The following GRIK4 variants were observed in gnomAD, a reference collection of about 807,000 sequenced individuals.
GRIK4 encodes the protein glutamate ionotropic receptor kainate type subunit 4, also known as glutamate receptor ionotropic, kainate 4.
In GRIK4, 40 loss-of-function variants were observed where a neutral mutation model predicts 104.9. The ratio of observed to expected loss-of-function variants is 0.38; its 90% confidence interval spans 0.30 to 0.50. GRIK4 has a LOEUF of 0.50. GRIK4 is among the 20% of genes least tolerant of loss of function. GRIK4 has a pLI of 0.93. For missense variants in GRIK4, 1,047 were observed against 1,308.1 expected (o/e 0.80, Z 3.08); for synonymous variants, 485 against 524.9 (o/e 0.92, Z 1.04).
chr11:120,737,489 A>G (rs937269708), intron 3 of GRIK4, among the ~76,000 whole-genome samples: 1 of 152,228 alleles, frequency 6.6e-6, no homozygotes, highest in African/African-American at 2.4e-5. Flanking sequence ...GAATACAGAG[A>G]CAGTTCAACG....
chr11:120,937,045 GT>G (rs1024098525), intron 13 of GRIK4, among the ~76,000 whole-genome samples: 22 of 151,756 alleles, frequency 1.4e-4, no homozygotes, highest in African/African-American at 4.1e-4. Context: ...TCTTTTTTTT[GT>G]TTTGTTTTTA....
At chr11:120,696,895 T>C (rs192711378) in intron 3 of GRIK4, among the ~76,000 whole-genome samples, 2 of 152,318 alleles carry the variant, frequency 1.3e-5, no homozygotes, top group East Asian at 1.9e-4. Flanking sequence ...CCCTTCATTT[T>C]CCAGAAGATA....
At chr11:120,603,345 A>G (rs1397543695) in intron 1 of GRIK4, among the ~76,000 whole-genome samples, 1 of 152,218 alleles carries the variant, frequency 6.6e-6, no homozygotes, top group African/African-American at 2.4e-5. Context: ...TTCTGCCTTC[A>G]GTGACATCAG....
At chr11:120,536,520 G>A (rs1947977480) in intron 1 of GRIK4, among the ~76,000 whole-genome samples, 1 of 152,196 alleles carries the variant, frequency 6.6e-6, no homozygotes, top group Non-Finnish European at 1.5e-5. Context: ...GGGGGGGCCT[G>A]GAGAGAGGTC....
At chr11:120,876,055 G>A (rs73584413) in intron 11 of GRIK4, among the ~76,000 whole-genome samples, 1,717 of 151,896 alleles carry the variant, frequency 0.011, 33 homozygotes, top group African/African-American at 0.039. Flanking sequence ...GGCTGAACAA[G>A]GGAGCACACC....
At chr11:120,918,318 A>C (rs191322726) in intron 13 of GRIK4, among the ~76,000 whole-genome samples, 1 of 152,310 alleles carries the variant, frequency 6.6e-6, no homozygotes, top group Admixed American at 6.5e-5. Flanking sequence ...CCGGGGTGAC[A>C]ACCCTATTGA....
intron 1 of GRIK4, among the ~76,000 whole-genome samples, chr11:120,618,776 C>T (rs1949146888): frequency 6.6e-6 from 1 of 152,224 alleles, no homozygotes; most frequent in African/African-American, 2.4e-5. Flanking sequence ...GCTAAGCTGG[C>T]AGGTGCACAG....
chr11:120,553,391 G>T (rs894130062), intron 1 of GRIK4, among the ~76,000 whole-genome samples: 2 of 152,192 alleles, frequency 1.3e-5, no homozygotes, highest in Admixed American at 1.3e-4. Flanking sequence ...GTCACGGGAG[G>T]CTGGGATCTA....
At chr11:120,767,175 C>T (rs765194315) in intron 3 of GRIK4, among the ~76,000 whole-genome samples, 1 of 152,170 alleles carries the variant, frequency 6.6e-6, no homozygotes, top group Non-Finnish European at 1.5e-5. Flanking sequence ...CCAAACAGTG[C>T]ACTAGAGGTC....
chr11:120,834,651 C>A (rs921703548), intron 7 of GRIK4, among the ~76,000 whole-genome samples: 1 of 152,214 alleles, frequency 6.6e-6, no homozygotes, highest in Admixed American at 6.5e-5. Context: ...CTCTGGGAGA[C>A]TCAGTGTGCA....
chr11:120,517,740 T>C (rs1947748518), intron 1 of GRIK4, among the ~76,000 whole-genome samples: 1 of 151,824 alleles, frequency 6.6e-6, no homozygotes, highest in African/African-American at 2.4e-5. Flanking sequence ...CAGTTGAGTG[T>C]GATAGTCCTG....
chr11:120,796,151 T>G (rs1159713478), intron 3 of GRIK4, among the ~76,000 whole-genome samples: 1 of 151,792 alleles, frequency 6.6e-6, no homozygotes, highest in Admixed American at 6.6e-5. Flanking sequence ...TTCTCCTGCT[T>G]CAGCCTCCCG....
chr11:120,763,837 A>G (rs1371943183), intron 3 of GRIK4, among the ~76,000 whole-genome samples: 1 of 152,130 alleles, frequency 6.6e-6, no homozygotes, highest in African/African-American at 2.4e-5. Flanking sequence ...ATTCTTTTGC[A>G]TTTGCTGAGG....
chr11:120,585,514 C>T (rs1043334571), intron 1 of GRIK4, among the ~76,000 whole-genome samples: 2 of 151,942 alleles, frequency 1.3e-5, no homozygotes, highest in African/African-American at 4.8e-5. Flanking sequence ...GTGCCGTGCC[C>T]TTTCCATTCT....
At chr11:120,802,545 TG>T (rs1952639727) in intron 3 of GRIK4, 147 bp from the exon 4 acceptor site, 2 of 686,124 alleles carry the variant, frequency 2.9e-6, no homozygotes, top group Admixed American at 2.5e-5. Context: ...GAACTTGTTC[TG>T]GGGGACGGTT....
At chr11:120,921,350 GGGATGGGTGGTT>G (rs1742633200) in intron 13 of GRIK4, among the ~76,000 whole-genome samples, 1 of 152,176 alleles carries the variant, frequency 6.6e-6, no homozygotes, top group African/African-American at 2.4e-5. Flanking sequence ...CAGCCACCAG[GGGATGGGTGGTT>G]GGATGGATGC....
In GRIK4 at chr11:120,758,149, G is replaced by A. The variant is rs377006283; in HGVS notation, c.83-44544G>A. ...CCACTCTGGAAGCAAGGTGGCACAC[G>A]ATCCCATGCAGCAGAACAGTGGGTG... On this transcript the variant is annotated intron_variant, in intron 3 of 20. Transcript: ENST00000527524. Among the ~76,000 whole-genome samples the A allele has an allele frequency of 5.9e-5, 9 of 152,222 alleles. No homozygotes were observed. In the East Asian group the frequency reaches 1.7e-3, roughly 30 times the overall value.
intron 1 of GRIK4, among the ~76,000 whole-genome samples, chr11:120,610,317 G>A (rs1042180290): frequency 2.0e-5 from 3 of 152,226 alleles, no homozygotes; most frequent in African/African-American, 7.2e-5. Context: ...TGATTAATAT[G>A]TTGTAAGTTG....
In GRIK4 at chr11:120,549,477, A is replaced by G. The variant is rs1168994663; in HGVS notation, c.-159+37590A>G. Among the ~76,000 whole-genome samples the G allele has an allele frequency of 6.6e-6, 1 of 152,172 alleles. No individual in the cohort carries two copies. The highest frequency in any genetic ancestry group is 2.4e-5 in the African/African-American group (1 of 41,442). ...GTTGATGTGGACAGACACACACACT[A>G]ACAAACAAGGAGTGAGCCCTTCACG... On this transcript the variant is annotated intron_variant, in intron 1 of 20. Coordinates refer to ENST00000527524, the MANE Select transcript of GRIK4 (RefSeq NM_014619.5). The surrounding 1 kb of genome is among the most constrained non-coding windows in gnomAD (Gnocchi z 4.7).
Sources: gnomAD v4.1 joint callset for allele counts (sites outside exome capture counted in the v4.1 genomes callset) on GRCh38, gnomAD v4.1.1 for gene constraint, Gnocchi (gnomAD v3.1) non-coding constraint, MANE v1.5 for transcripts, NCBI Gene and HGNC (gene_info 2026-07-23, HGNC 2026-07-21) for gene names.